The following TMEFF2 variants were observed in gnomAD, a reference collection of about 807,000 sequenced individuals.
TMEFF2 encodes tomoregulin-2.
Under a neutral mutation model 53.8 loss-of-function variants are expected in TMEFF2, and 28 were observed. That is an observed-to-expected ratio of 0.52 (90% CI 0.39 to 0.71). TMEFF2 has a LOEUF of 0.71. Among genes scored for constraint, TMEFF2 ranks in the 30% least tolerant of loss-of-function variants. TMEFF2 has a pLI of 0.00. For synonymous variants in TMEFF2, 162 were observed against 166.3 expected (o/e 0.97, Z 0.20); for missense variants, 353 against 455.2 (o/e 0.78, Z 2.04).
intron 4 of TMEFF2, among the ~76,000 whole-genome samples, chr2:192,089,978 A>G: frequency 6.6e-6 from 1 of 152,144 alleles, no homozygotes; most frequent in East Asian, 1.9e-4. Context: ...TTTCTTGAGA[A>G]TTCTATCCAT....
chr2:192,030,260 C>T (rs1010287403), intron 5 of TMEFF2: 1 of 152,220 alleles, frequency 6.6e-6, no homozygotes, highest in African/African-American at 2.4e-5. Context: ...TGAATCTGTT[C>T]AGATATTAGA....
chr2:192,102,939 A>AT (rs111786296), intron 4 of TMEFF2, among the ~76,000 whole-genome samples: 11,509 of 148,092 alleles, frequency 0.078, 543 homozygotes, highest in East Asian at 0.2. Context: ...AATGAAACTC[A>AT]TTTTTTTTTT....
chr2:192,141,459 GAAAAAAAAAA>G (rs397987092), intron 4 of TMEFF2, among the ~76,000 whole-genome samples: 3 of 107,230 alleles, frequency 2.8e-5, no homozygotes, highest in Non-Finnish European at 5.4e-5. Flanking sequence ...TCTCAAAAAA[GAAAAAAAAAA>G]AAAAAAAAAA....
chr2:192,047,649 C>CATT (rs1687656340), intron 5 of TMEFF2, among the ~76,000 whole-genome samples: 1 of 152,090 alleles, frequency 6.6e-6, no homozygotes, highest in Non-Finnish European at 1.5e-5. Flanking sequence ...ATTAGGGGGG[C>CATT]TAGAAAATCA....
At chr2:191,951,237 A>C (rs1691870974) in intron 9 of TMEFF2, among the ~76,000 whole-genome samples, 1 of 142,806 alleles carries the variant, frequency 7.0e-6, no homozygotes, top group South Asian at 2.2e-4. Context: ...GATCTGTTAA[A>C]GAGAACATGG....
chr2:192,065,181 TA>T (rs1407376617), intron 4 of TMEFF2, among the ~76,000 whole-genome samples: 1 of 151,870 alleles, frequency 6.6e-6, no homozygotes, highest in Non-Finnish European at 1.5e-5. Context: ...GTGTTTCTTC[TA>T]TTATATTTTG....
chr2:191,970,154 CTATT>C (rs1230832342), intron 7 of TMEFF2, among the ~76,000 whole-genome samples: 1 of 152,014 alleles, frequency 6.6e-6, no homozygotes, highest in East Asian at 1.9e-4. Flanking sequence ...TGTTGTCCCT[CTATT>C]TAACCTGTTA....
chr2:191,966,633 A>G (rs1692480204), intron 7 of TMEFF2, among the ~76,000 whole-genome samples: 1 of 152,218 alleles, frequency 6.6e-6, no homozygotes. Context: ...TTTTATTTAA[A>G]AAAGCAAAAC....
intron 4 of TMEFF2, among the ~76,000 whole-genome samples, chr2:192,089,913 G>A (rs1437684647): frequency 1.3e-5 from 2 of 152,078 alleles, no homozygotes; most frequent in African/African-American, 4.8e-5. Flanking sequence ...CCCCTCATAA[G>A]CATATTCTTT....
rs541253952 is a variant in TMEFF2 at position 191,980,652 on chromosome 2, G to A, written c.745+17610C>T. ...ACTTGAATTCACTGCCACCCCCAGC[G>A]TCTGCCTCTACTTGAGGGTTACCAC... is the stretch of plus-strand genomic sequence containing the variant. On this transcript the variant is annotated intron_variant, in intron 7 of 9. Coordinates refer to ENST00000272771, the MANE Select transcript of TMEFF2 (RefSeq NM_016192.4). Among the ~76,000 whole-genome samples, 11 of 152,124 alleles carry A rather than the reference G, an allele frequency of 7.2e-5. No homozygotes were observed. The East Asian group carries it at 1.4e-3, about 19-fold the overall frequency.
chr2:192,190,115 T>C (rs1018579437), intron 2 of TMEFF2, among the ~76,000 whole-genome samples: 43 of 152,218 alleles, frequency 2.8e-4, no homozygotes, highest in Non-Finnish European at 4.9e-4. Flanking sequence ...ACCAAAATCT[T>C]CTGTGGCACC....
intron 8 of TMEFF2, among the ~76,000 whole-genome samples, chr2:191,955,614 A>AATG (rs1247371583): frequency 1.5e-5 from 2 of 134,900 alleles, no homozygotes; most frequent in African/African-American, 5.4e-5. Flanking sequence ...GGCTTCCCAA[A>AATG]ATGCGGGATT....
At chr2:192,052,295 T>G (rs1323431746) in intron 5 of TMEFF2, among the ~76,000 whole-genome samples, 2 of 152,200 alleles carry the variant, frequency 1.3e-5, no homozygotes, top group Admixed American at 6.5e-5. Context: ...ACCCAGCCAT[T>G]CCTATGGTCA....
intron 7 of TMEFF2, among the ~76,000 whole-genome samples, chr2:191,964,352 C>T (rs1391092156): frequency 4.8e-5 from 5 of 104,416 alleles, no homozygotes; most frequent in Non-Finnish European, 1.9e-5. Flanking sequence ...TTCTTTCTTT[C>T]TTTCTTTCTT....
At chr2:192,000,209 ATGT>A (rs1217910064) in intron 5 of TMEFF2, among the ~76,000 whole-genome samples, 1 of 152,058 alleles carries the variant, frequency 6.6e-6, no homozygotes, top group Admixed American at 6.6e-5. Flanking sequence ...ATTAATATTT[ATGT>A]TGTTTTTGTA....
intron 4 of TMEFF2, among the ~76,000 whole-genome samples, chr2:192,072,341 A>G (rs1688310270): frequency 6.6e-6 from 1 of 151,996 alleles, no homozygotes; most frequent in African/African-American, 2.4e-5. Context: ...CTGTATTTTA[A>G]AAGCTACATT....
intron 5 of TMEFF2, among the ~76,000 whole-genome samples, chr2:191,999,847 T>G (rs1024211096): frequency 6.6e-5 from 10 of 152,080 alleles, no homozygotes; most frequent in African/African-American, 2.4e-4. Flanking sequence ...CCCTTCTGTA[T>G]AAAATTTCAG....
intron 2 of TMEFF2, 31 bp downstream of exon 2, chr2:192,191,849 A>G (rs777966829): frequency 7.0e-7 from 1 of 1,426,264 alleles, no homozygotes; most frequent in Admixed American, 1.7e-5. Flanking sequence ...CTCATTAATG[A>G]ATTAGAAGAT....
At chr2:192,045,931 A>G (rs146070609) in intron 5 of TMEFF2, among the ~76,000 whole-genome samples, 11 of 152,342 alleles carry the variant, frequency 7.2e-5, no homozygotes, top group African/African-American at 2.4e-4. Context: ...GGAATGCTTT[A>G]TCCACCATCT....
Sources: gnomAD v4.1 joint callset for allele counts (sites outside exome capture counted in the v4.1 genomes callset) on GRCh38, gnomAD v4.1.1 for gene constraint, MANE v1.5 for transcripts, NCBI Gene and HGNC (gene_info 2026-07-23, HGNC 2026-07-21) for gene names.